The following MYO6 variants were observed in gnomAD, a reference collection of about 807,000 sequenced individuals.
MYO6 encodes myosin VI.
In MYO6, 74 loss-of-function variants were observed where a neutral mutation model predicts 178.7. The ratio of observed to expected loss-of-function variants is 0.41; its 90% CI spans 0.34 to 0.50. The LOEUF is 0.50. Among genes scored for constraint, MYO6 ranks in the 20% least tolerant of loss-of-function variants. MYO6 has a pLI of 0.09. For synonymous variants in MYO6, 477 were observed against 504.6 expected (o/e 0.95, Z 0.73); for missense variants, 1,330 against 1,547.4 (o/e 0.86, Z 2.36).
chr6:75,914,932 C>T lies in MYO6; in HGVS notation c.3778C>T (p.Gln1260Ter). Residue 1260 changes from glutamine to a stop codon, truncating the protein, a stop_gained, in exon 35 of 35, where the codon CAG becomes TAG. Coordinates refer to ENST00000369977, the MANE Select transcript of MYO6 (RefSeq NM_004999.4). LOFTEE classifies it high-confidence loss of function. ...AATCTGGGAACGCTGTGGAGGCATC[C>T]AGTACCTTCAGAATGCGATTGAGAG... ...EEIWERCGGI[Q>*]YLQNAIESRQ... The T allele has an allele frequency of 1.2e-6, 2 of 1,614,090 alleles. No homozygotes were observed. Among genetic ancestry groups the T allele is most frequent in the South Asian group, 1.1e-5 (1 of 91,082 alleles).
At chr6:75,812,003 T>C (rs182799686) in intron 1 of MYO6, among the ~76,000 whole-genome samples, 1 of 134,888 alleles carries the variant, frequency 7.4e-6, no homozygotes, top group African/African-American at 2.5e-5. Context: ...CAAGCCTAGG[T>C]TTTTTTTTCT....
At chr6:75,843,988 G>A (rs1323426894) in intron 9 of MYO6, among the ~76,000 whole-genome samples, 1 of 152,078 alleles carries the variant, frequency 6.6e-6, no homozygotes, top group Non-Finnish European at 1.5e-5. Context: ...TTTAAGAGAA[G>A]CTGAGATGTT....
At chr6:75,914,034 G>A (rs376848570) in intron 33 of MYO6, 29 bp from the exon 34 acceptor site, 10 of 1,607,990 alleles carry the variant, frequency 6.2e-6, no homozygotes, top group Non-Finnish European at 8.5e-6. Flanking sequence ...TTGAGCTGCT[G>A]GTATAACTTT....
chr6:75,825,076 A>G (rs187908996), intron 3 of MYO6, among the ~76,000 whole-genome samples: 37 of 152,240 alleles, frequency 2.4e-4, no homozygotes, highest in Admixed American at 5.9e-4. Flanking sequence ...TGAGTTTTCT[A>G]TGTGAAGGGT....
chr6:75,846,322 A>G (rs1173348702), intron 10 of MYO6, among the ~76,000 whole-genome samples: 1 of 152,066 alleles, frequency 6.6e-6, no homozygotes, highest in African/African-American at 2.4e-5. Flanking sequence ...GAGTAATCGA[A>G]CAAGTTTTTA....
intron 11 of MYO6, among the ~76,000 whole-genome samples, chr6:75,851,337 CA>C (rs1775247056): frequency 6.6e-6 from 1 of 152,150 alleles, no homozygotes; most frequent in Non-Finnish European, 1.5e-5. Flanking sequence ...GACAGGGAAT[CA>C]ATAAGATTAA....
intron 1 of MYO6, among the ~76,000 whole-genome samples, chr6:75,790,099 C>G (rs945672116): frequency 6.6e-6 from 1 of 152,092 alleles, no homozygotes; most frequent in Non-Finnish European, 1.5e-5. Context: ...TACTATTTAC[C>G]TGTAGATGGG....
chr6:75,867,337 A>AT (rs944039889), intron 18 of MYO6: 1 of 409,842 alleles, frequency 2.4e-6, no homozygotes, highest in African/African-American at 2.0e-5. Context: ...AACATATCTG[A>AT]TTGCCTCTCC....
intron 19 of MYO6, 86 bp downstream of exon 19, chr6:75,870,771 T>C (rs779343561): frequency 5.8e-5 from 62 of 1,060,992 alleles, no homozygotes; most frequent in Non-Finnish European, 8.3e-5. Context: ...AGTAACCCTG[T>C]ACTAATTAAA....
At chr6:75,900,056 G>T (rs946715487) in intron 30 of MYO6, among the ~76,000 whole-genome samples, 1 of 151,742 alleles carries the variant, frequency 6.6e-6, no homozygotes, top group African/African-American at 2.4e-5. Flanking sequence ...CCCTGCAAAG[G>T]ACATGAACTC....
intron 7 of MYO6, among the ~76,000 whole-genome samples, chr6:75,840,239 G>A (rs539162829): frequency 3.4e-5 from 5 of 147,718 alleles, no homozygotes; most frequent in African/African-American, 1.0e-4. Context: ...TCGGCTCATC[G>A]CAACCTCCGC....
intron 1 of MYO6, among the ~76,000 whole-genome samples, chr6:75,812,569 G>A (rs183165490): frequency 6.6e-6 from 1 of 151,802 alleles, no homozygotes; most frequent in African/African-American, 2.4e-5. Context: ...CTATATTTTT[G>A]TACCCATTAA....
chr6:75,756,991 T>C (rs768751991), intron 1 of MYO6, among the ~76,000 whole-genome samples: 8 of 138,676 alleles, frequency 5.8e-5, no homozygotes, highest in Non-Finnish European at 9.4e-5. Flanking sequence ...TATATATGTA[T>C]ACACACATAT....
intron 1 of MYO6, among the ~76,000 whole-genome samples, chr6:75,794,749 TAAAA>T (rs11295457): frequency 1.4e-5 from 2 of 139,188 alleles, no homozygotes; most frequent in Non-Finnish European, 3.0e-5. Context: ...ATAAAAAAAA[TAAAA>T]AAAAAAATAA....
At chr6:75,902,477 T>C (rs1339179135) in intron 30 of MYO6, among the ~76,000 whole-genome samples, 1 of 152,242 alleles carries the variant, frequency 6.6e-6, no homozygotes, top group East Asian at 1.9e-4. Context: ...TTGAGGAATT[T>C]ATCCATTTCT....
At chr6:75,811,050 TG>T (rs1271834589) in intron 1 of MYO6, among the ~76,000 whole-genome samples, 1 of 149,772 alleles carries the variant, frequency 6.7e-6, no homozygotes, top group Non-Finnish European at 1.5e-5. Context: ...TAATTGTTTT[TG>T]GTGTTTCTCA....
At chr6:75,783,215 C>A (rs936566198) in intron 1 of MYO6, among the ~76,000 whole-genome samples, 8 of 152,152 alleles carry the variant, frequency 5.3e-5, no homozygotes, top group Non-Finnish European at 8.8e-5. Context: ...CTGAGCCTGG[C>A]CTCCCAGATA....
intron 1 of MYO6, among the ~76,000 whole-genome samples, chr6:75,763,951 T>G (rs1347889131): frequency 1.3e-5 from 2 of 152,238 alleles, no homozygotes; most frequent in African/African-American, 4.8e-5. Flanking sequence ...TAATTTGTGC[T>G]GTGTCCCTAA....
At chr6:75,856,873 AT>A (rs34924603) in intron 12 of MYO6, among the ~76,000 whole-genome samples, 1 of 151,840 alleles carries the variant, frequency 6.6e-6, no homozygotes, top group Admixed American at 6.6e-5. Context: ...TTTAAGCCTA[AT>A]TTTTTTTACC....
Sources: gnomAD v4.1 joint callset for allele counts (sites outside exome capture counted in the v4.1 genomes callset) on GRCh38, gnomAD v4.1.1 for gene constraint, MANE v1.5 for transcripts, NCBI Gene and HGNC (gene_info 2026-07-23, HGNC 2026-07-21) for gene names.